STXBP5: variants seen among roughly 807,000 people sequenced by gnomAD.
The protein encoded by STXBP5 is syntaxin binding protein 5.
In STXBP5, 50 loss-of-function variants were observed where a neutral mutation model predicts 152.4. That is an observed-to-expected ratio of 0.33 (90% CI 0.26 to 0.42). The LOEUF (loss-of-function observed/expected upper bound fraction) is 0.42. Among genes scored for constraint, STXBP5 ranks in the 10% least tolerant of loss-of-function variants. The pLI, the probability that STXBP5 is intolerant of heterozygous loss-of-function variation, is 1.00. For missense variants in STXBP5, 1,167 were observed against 1,388.6 expected (o/e 0.84, Z 2.54); for synonymous variants, 492 against 494.7 (o/e 0.99, Z 0.07).
At chr6:147,359,498 TGTGCACAATG>T (rs1359596582) in intron 23 of STXBP5, among the ~76,000 whole-genome samples, 175 bp downstream of exon 23, 1 of 152,076 alleles carries the variant, frequency 6.6e-6, no homozygotes, top group Admixed American at 6.6e-5. Flanking sequence ...TTAGGGTACA[TGTGCACAATG>T]TGCAGGTTAG....
intron 22 of STXBP5, among the ~76,000 whole-genome samples, chr6:147,357,924 A>G (rs1784885775): frequency 6.6e-6 from 1 of 152,176 alleles, no homozygotes; most frequent in Admixed American, 6.6e-5. Flanking sequence ...TGATGTTCCA[A>G]GAGAAAAAGG....
chr6:147,334,039 C>T, intron 18 of STXBP5, 118 bp from the exon 19 acceptor site: 1 of 913,850 alleles, frequency 1.1e-6, no homozygotes. Context: ...GTACCACAGT[C>T]TGTTAATTTA....
intron 2 of STXBP5, among the ~76,000 whole-genome samples, chr6:147,234,514 A>C (rs904064230): frequency 2.0e-5 from 3 of 151,910 alleles, no homozygotes; most frequent in Non-Finnish European, 4.4e-5. Flanking sequence ...TTTGTACTTC[A>C]GTTTCCTTAT....
chr6:147,321,037 G>C (rs1229754526), intron 16 of STXBP5, among the ~76,000 whole-genome samples: 1 of 152,150 alleles, frequency 6.6e-6, no homozygotes, highest in Non-Finnish European at 1.5e-5. Context: ...TCTTTTAGTA[G>C]AATATTGTAC....
chr6:147,280,545 G>A (rs551029722), intron 8 of STXBP5, among the ~76,000 whole-genome samples: 8 of 152,162 alleles, frequency 5.3e-5, no homozygotes, highest in Non-Finnish European at 1.0e-4. Context: ...AAGACTCTAT[G>A]AACATATTAT....
At chr6:147,350,399 A>T (rs1027424078) in intron 21 of STXBP5, among the ~76,000 whole-genome samples, 2 of 152,134 alleles carry the variant, frequency 1.3e-5, no homozygotes, top group African/African-American at 4.8e-5. Context: ...GCAGCAATGT[A>T]TGTATAGATG....
chr6:147,217,049 G>C (rs1777205669), intron 2 of STXBP5, among the ~76,000 whole-genome samples: 1 of 152,118 alleles, frequency 6.6e-6, no homozygotes, highest in Non-Finnish European at 1.5e-5. Flanking sequence ...GCTTAATCCT[G>C]CTCTTTCTTT....
At position 147,311,430 on chromosome 6, in the gene STXBP5, T is replaced by C. The variant is rs1782369529; in HGVS notation, c.1073-25T>C. 3.7e-6 allele frequency: 6 copies of C among 1,600,426 alleles called. No individual in the cohort carries two copies. The East Asian group carries it at 1.3e-4, about 36-fold the overall frequency. The stretch of plus-strand genomic sequence containing the variant: ...CTGTCCACTTGCATTTTTGAAACTA[T>C]AATTCATGCATTGTCCAATTCCAGA... On this transcript the variant is annotated intron_variant, in intron 10 of 27. Transcript: ENST00000321680.
At chr6:147,293,993 A>C (rs1467116824) in intron 9 of STXBP5, among the ~76,000 whole-genome samples, 10 of 152,220 alleles carry the variant, frequency 6.6e-5, no homozygotes, top group African/African-American at 2.4e-4. Context: ...AATGGAATTG[A>C]GATGTTACAT....
chr6:147,247,216 A>C (rs1778852807), intron 4 of STXBP5, among the ~76,000 whole-genome samples: 1 of 152,216 alleles, frequency 6.6e-6, no homozygotes, highest in African/African-American at 2.4e-5. Flanking sequence ...AAAGACACAG[A>C]ATTATAGTTT....
At position 147,382,885 on chromosome 6, in the gene STXBP5, T is replaced by C. The variant is rs1476292873; in HGVS notation, c.3301T>C (p.Leu1101=). 1 of 1,613,518 alleles carries C rather than the reference T, an allele frequency of 6.2e-7. No individual in the cohort carries two copies. Among genetic ancestry groups the C allele is most frequent in the Non-Finnish European group, 8.5e-7 (1 of 1,179,700 alleles). The change falls in exon 27 of 28, where the codon TTA becomes CTA. Residue 1101 remains leucine (L), a synonymous_variant. Transcript: ENST00000321680. ...GGCAGCATCTGGAGTTGTTGGTGAA[T>C]TAGCACGAGCCAGGCTGGCACTAGA... ...KGAASGVVGE[L]ARARLALDER... is the part of the protein sequence containing the mutation.
intron 16 of STXBP5, among the ~76,000 whole-genome samples, chr6:147,317,579 C>G (rs1464954369): frequency 6.6e-6 from 1 of 152,038 alleles, no homozygotes; most frequent in Admixed American, 6.6e-5. Flanking sequence ...AAAGAATTAC[C>G]AGCTCAAAAC....
intron 25 of STXBP5, among the ~76,000 whole-genome samples, chr6:147,371,723 A>G (rs1015515159): frequency 6.6e-6 from 1 of 152,150 alleles, no homozygotes; most frequent in Non-Finnish European, 1.5e-5. Context: ...TTCTTACTTT[A>G]CCCTTGTAAA....
intron 7 of STXBP5, among the ~76,000 whole-genome samples, chr6:147,275,401 G>T (rs1359983955): frequency 6.6e-6 from 1 of 150,966 alleles, no homozygotes; most frequent in South Asian, 2.1e-4. Flanking sequence ...TCTCTACCCT[G>T]GATTCATCTT....
At chr6:147,229,870 G>A (rs2115140784) in intron 2 of STXBP5, among the ~76,000 whole-genome samples, 1 of 151,400 alleles carries the variant, frequency 6.6e-6, no homozygotes, top group East Asian at 1.9e-4. Context: ...CATTTCCATG[G>A]CTAGAACATT....
At chr6:147,339,698 G>A (rs952083077) in intron 21 of STXBP5, among the ~76,000 whole-genome samples, 1 of 151,892 alleles carries the variant, frequency 6.6e-6, no homozygotes, top group Non-Finnish European at 1.5e-5. Context: ...AAGTTTTGAA[G>A]CAATGGTTTC....
intron 8 of STXBP5, among the ~76,000 whole-genome samples, chr6:147,290,101 G>C (rs1781203873): frequency 6.6e-6 from 1 of 152,100 alleles, no homozygotes; most frequent in African/African-American, 2.4e-5. Flanking sequence ...CTAATTACTT[G>C]AGAGGCTGAG....
Position 147,314,280 on chromosome 6 carries a change from G to A in STXBP5, c.1310G>A (p.Gly437Glu). The change falls in exon 13 of 28, where the codon GGA becomes GAA. Residue 437 changes from glycine (G) to glutamate (E), a missense_variant. Gly to Glu is a moderately conservative substitution (Grantham distance 98, BLOSUM62 -2). Coordinates refer to ENST00000321680, the MANE Select transcript of STXBP5 (RefSeq NM_001127715.4). ...GYSKKEWPINGGNWGLGAQSY... is the reference protein window; with the variant it reads ...GYSKKEWPINEGNWGLGAQSY... ...TTTTTATAGGAATGGCCCATCAACGGAGGTAATTGGGGCTTGGGTGCTCAA... is the reference window on the plus strand; with the variant it reads ...TTTTTATAGGAATGGCCCATCAACGAAGGTAATTGGGGCTTGGGTGCTCAA... 1 of 1,612,188 alleles carries A rather than the reference G, an allele frequency of 6.2e-7. No homozygotes were observed. Among genetic ancestry groups the A allele is most frequent in the Non-Finnish European group, 8.5e-7 (1 of 1,178,466 alleles).
intron 9 of STXBP5, among the ~76,000 whole-genome samples, chr6:147,298,510 A>G (rs571061986): frequency 2.0e-4 from 31 of 152,220 alleles, no homozygotes; most frequent in African/African-American, 7.0e-4. Flanking sequence ...AGAATATTCC[A>G]TCCAATAGCT....
Sources: allele counts gnomAD v4.1 joint callset (sites outside exome capture counted in the v4.1 genomes callset), GRCh38; gene constraint gnomAD v4.1.1; transcripts MANE v1.5; gene names NCBI Gene and HGNC (gene_info 2026-07-23, HGNC 2026-07-21).